The following IQSEC2 variants were observed in gnomAD, a reference collection of about 807,000 sequenced individuals.
The protein encoded by IQSEC2 is IQ motif and Sec7 domain ArfGEF 2, also known as IQ motif and SEC7 domain-containing protein 2.
Under a neutral mutation model 74.6 loss-of-function variants are expected in IQSEC2, and 6 were observed. That is an observed-to-expected ratio of 0.08 (90% CI 0.04 to 0.16). The LOEUF (loss-of-function observed/expected upper bound fraction) is 0.16. Ranked by LOEUF, IQSEC2 falls within the 10% of genes least tolerant of loss-of-function variation. The pLI is 1.00. For missense variants in IQSEC2, 734 were observed against 1,306.2 expected (o/e 0.56, Z 6.75); for synonymous variants, 494 against 544.5 (o/e 0.91, Z 1.29).
At chrX:53,257,009 C>T (rs1362190669) in intron 2 of IQSEC2, among the ~76,000 whole-genome samples, 1 of 111,772 alleles carries the variant, frequency 8.9e-6, no homozygotes, top group Non-Finnish European at 1.9e-5. Context: ...TTGAGCCGAG[C>T]CTGCACGGTG....
intron 2 of IQSEC2, among the ~76,000 whole-genome samples, chrX:53,288,470 A>T (rs1556872291): frequency 1.1e-5 from 1 of 90,639 alleles, no homozygotes; most frequent in Non-Finnish European, 2.0e-5. Flanking sequence ...CCTGGTCCCC[A>T]GGGCCAACAA....
intron 1 of IQSEC2, among the ~76,000 whole-genome samples, chrX:53,298,225 C>CT (rs1463419914): frequency 9.1e-6 from 1 of 109,522 alleles, no homozygotes; most frequent in Non-Finnish European, 1.9e-5. Context: ...GATTCCGTGG[C>CT]TTTTTTTTTC....
intron 2 of IQSEC2, among the ~76,000 whole-genome samples, chrX:53,278,677 A>G (rs1556870059): frequency 8.9e-6 from 1 of 112,129 alleles, no homozygotes; most frequent in East Asian, 2.8e-4. Flanking sequence ...CCCTGTGCCC[A>G]TATTTTATAG....
intron 2 of IQSEC2, among the ~76,000 whole-genome samples, chrX:53,284,142 A>G (rs2075002800): frequency 9.0e-6 from 1 of 110,728 alleles, no homozygotes. Flanking sequence ...GGTGGGGAGT[A>G]TCTTTGAAGC....
chrX:53,253,200 C>T (rs1472826942), intron 4 of IQSEC2, among the ~76,000 whole-genome samples: 3 of 112,323 alleles, frequency 2.7e-5, no homozygotes, highest in African/African-American at 9.7e-5. Context: ...CAAGTACCTT[C>T]TTGGTTTTAG....
At position 53,279,698 on chromosome X, in the gene IQSEC2, G is replaced by A. The variant is rs782593555; in HGVS notation, c.737+12197C>T. 1.4e-5 allele frequency: 13 copies of A among 901,315 alleles called. No individual in the cohort carries two copies. In the African/African-American group the frequency reaches 1.6e-4, roughly 11 times the overall value. 74.3% of individuals were successfully genotyped at this position (901,315 alleles called of 1,213,427 possible). A position where few individuals can be genotyped will look rare whatever the true frequency, so the allele number is the denominator to read the frequency against. ...AGAGACAGAGAGAGACAGAGAGAGA[G>A]ACAGGGAGGGAGGGAAGTGGCAGGG... is the stretch of plus-strand genomic sequence containing the variant. On this transcript the variant is annotated intron_variant, in intron 2 of 14. Transcript: ENST00000642864.
At chrX:53,261,081 G>A (rs1222877282) in intron 2 of IQSEC2, among the ~76,000 whole-genome samples, 3 of 111,211 alleles carry the variant, frequency 2.7e-5, no homozygotes, top group African/African-American at 9.8e-5. Context: ...AAAAAGGAGG[G>A]TGCTTGACGG....
Position 53,247,151 on chromosome X carries a change from G to A in IQSEC2, c.2583-16C>T, listed in dbSNP as rs1556862225. The stretch of plus-strand genomic sequence containing the variant: ...GTACCGCTGGCTGCAGGGCAGGAGG[G>A]GTCAAAGCCAGACTCAGGAACCAGC... On this transcript the variant is annotated splice_polypyrimidine_tract_variant and intron_variant, in intron 7 of 14. Transcript: ENST00000642864. The A allele has an allele frequency of 8.3e-7, 1 of 1,203,421 alleles. No homozygotes were observed. The highest frequency in any genetic ancestry group is 1.1e-6 in the Non-Finnish European group (1 of 891,793).
intron 2 of IQSEC2, among the ~76,000 whole-genome samples, chrX:53,282,734 C>G (rs985933193): frequency 9.1e-6 from 1 of 110,118 alleles, no homozygotes. Context: ...CTGCCCACCC[C>G]TCAAAGCCCT....
intron 1 of IQSEC2, among the ~76,000 whole-genome samples, chrX:53,300,535 G>A (rs1459459809): frequency 9.0e-6 from 1 of 111,581 alleles, no homozygotes; most frequent in African/African-American, 3.3e-5. Context: ...GTAGTCAGGC[G>A]CTCTGTCTCA....
In IQSEC2 at chrX:53,321,197, G is replaced by A. The variant is rs2075429475; in HGVS notation, c.-74C>T. ...TCTCTCACGGCGCCACCCTCCCCCG[G>A]GCCCAGCCGGGGGAGGGGGCCGGCG... On this transcript the variant is annotated 5_prime_UTR_variant, in exon 1 of 15. Transcript: ENST00000642864. 1.6e-6 allele frequency: 1 copy of A among 637,550 alleles called. No individual in the cohort carries two copies. Among genetic ancestry groups the A allele is most frequent in the South Asian group, 3.1e-5 (1 of 32,442 alleles). The allele number at this position is 637,550 out of a possible 1,213,427, so 52.5% of individuals were successfully genotyped here. A position where few individuals can be genotyped will look rare whatever the true frequency, so the allele number is the denominator to read the frequency against.
At chrX:53,295,824 G>A (rs782697549) in intron 1 of IQSEC2, among the ~76,000 whole-genome samples, 13 of 109,746 alleles carry the variant, frequency 1.2e-4, no homozygotes, top group Non-Finnish European at 2.3e-4. Context: ...CAGTAACTGG[G>A]GAACAATATG....
chrX:53,289,600 G>A (rs1217661263), intron 2 of IQSEC2, among the ~76,000 whole-genome samples: 2 of 111,310 alleles, frequency 1.8e-5, no homozygotes, highest in Admixed American at 9.6e-5. Context: ...TAACTGGAGC[G>A]AATTCAAAAA....
intron 8 of IQSEC2, among the ~76,000 whole-genome samples, chrX:53,245,420 C>T (rs1262401214): frequency 2.3e-5 from 2 of 88,308 alleles, no homozygotes; most frequent in Non-Finnish European, 4.6e-5. Context: ...AGAGTGAGAC[C>T]CTGTCTCTAA....
chrX:53,303,690 A>C (rs1214212406), intron 1 of IQSEC2, among the ~76,000 whole-genome samples: 5 of 108,955 alleles, frequency 4.6e-5, no homozygotes, highest in African/African-American at 1.7e-4. Context: ...AATCCCAGCT[A>C]TTCAGGAGGC....
chrX:53,308,220 G>T (rs1759796485), intron 1 of IQSEC2, among the ~76,000 whole-genome samples: 1 of 106,530 alleles, frequency 9.4e-6, no homozygotes, highest in African/African-American at 3.4e-5. Flanking sequence ...TGAAAGGGCT[G>T]CTTGAGTACT....
intron 8 of IQSEC2, among the ~76,000 whole-genome samples, chrX:53,244,818 C>A (rs1171815018): frequency 9.0e-6 from 1 of 111,315 alleles, no homozygotes; most frequent in African/African-American, 3.3e-5. Context: ...CTCTAGGGGG[C>A]ACATTTTGGG....
intron 2 of IQSEC2, among the ~76,000 whole-genome samples, chrX:53,273,375 A>G (rs1304338759): frequency 9.0e-6 from 1 of 111,226 alleles, no homozygotes; most frequent in Admixed American, 9.6e-5. Context: ...CTTCAGCTCC[A>G]TGAGAGCAGG....
At chrX:53,300,495 G>A (rs1169302379) in intron 1 of IQSEC2, among the ~76,000 whole-genome samples, 2 of 111,211 alleles carry the variant, frequency 1.8e-5, no homozygotes, top group African/African-American at 6.5e-5. Context: ...TATTTCCATG[G>A]CTGACTCTCC....
Sources: allele counts gnomAD v4.1 joint callset (sites outside exome capture counted in the v4.1 genomes callset), GRCh38; gene constraint gnomAD v4.1.1; transcripts MANE v1.5; gene names NCBI Gene and HGNC (gene_info 2026-07-23, HGNC 2026-07-21).